The following ACOXL variants were observed in gnomAD, a reference collection of about 807,000 sequenced individuals.
ACOXL encodes acyl-CoA oxidase like.
In ACOXL, 70 loss-of-function variants were observed where a neutral mutation model predicts 71.9. The ratio of observed to expected loss-of-function variants is 0.97; its 90% confidence interval spans 0.80 to 1.19. The LOEUF is 1.19. ACOXL is among the 50% of genes most tolerant of loss of function. The probability of loss-of-function intolerance (pLI) is 0.00; values close to 1 mark genes in which losing one functional copy is unlikely to be tolerated. For missense variants in ACOXL, 703 were observed against 736.3 expected, an observed-to-expected ratio of 0.95 and a Z score of 0.52; for synonymous variants, 253 against 281.6, an observed-to-expected ratio of 0.90 and a Z score of 1.02.
chr2:111,074,862 T>C (rs996465953), intron 16 of ACOXL, among the ~76,000 whole-genome samples: 2 of 152,362 alleles, frequency 1.3e-5, no homozygotes, highest in Middle Eastern at 3.4e-3. Context: ...CCCAAAGTGC[T>C]GGGACTACAA....
At chr2:110,852,562 T>C (rs1573838375) in intron 10 of ACOXL, among the ~76,000 whole-genome samples, 1 of 152,232 alleles carries the variant, frequency 6.6e-6, no homozygotes, top group African/African-American at 2.4e-5. Flanking sequence ...ATTTTTGCTG[T>C]ATGAATCACA....
intron 10 of ACOXL, among the ~76,000 whole-genome samples, chr2:110,845,908 T>C (rs908557090): frequency 1.3e-5 from 2 of 152,164 alleles, no homozygotes; most frequent in Non-Finnish European, 2.9e-5. Context: ...TACAAATATC[T>C]CTTTGACACC....
Position 111,041,016 on chromosome 2 carries a change from G to C in ACOXL, c.1370-8202G>C, listed in dbSNP as rs553422624. Among the ~76,000 whole-genome samples, 6 of 152,156 alleles carry C rather than the reference G, an allele frequency of 3.9e-5. No individual in the cohort carries two copies. In the South Asian group the frequency reaches 1.2e-3, roughly 32 times the overall value. On this transcript the variant is annotated intron_variant, in intron 15 of 17. Transcript: ENST00000439055. ...TGAGGAGCAACAGCAGCAGGCCTGC[G>C]TGGAGGGGTGGGTTCTGGAGGTGCG...
chr2:110,852,322 C>T (rs1418146100), intron 10 of ACOXL, among the ~76,000 whole-genome samples: 5 of 152,216 alleles, frequency 3.3e-5, no homozygotes, highest in South Asian at 2.1e-4. Flanking sequence ...AGAGGGACAC[C>T]GGGGAGCTCT....
At chr2:110,835,964 A>T (rs1408487981) in intron 9 of ACOXL, among the ~76,000 whole-genome samples, 1 of 152,190 alleles carries the variant, frequency 6.6e-6, no homozygotes. Flanking sequence ...TCCTCATTTC[A>T]CAATGAAGAA....
At chr2:110,938,699 GAACGAATA>G (rs2060757216) in intron 12 of ACOXL, among the ~76,000 whole-genome samples, 2 of 149,012 alleles carry the variant, frequency 1.3e-5, no homozygotes, top group African/African-American at 2.4e-5. Flanking sequence ...ATGAATGAAT[GAACGAATA>G]AATGAATGAA....
At chr2:110,915,350 ATGTG>A (rs3059185) in intron 11 of ACOXL, among the ~76,000 whole-genome samples, 3,341 of 113,512 alleles carry the variant, frequency 0.029, 150 homozygotes, top group Admixed American at 0.13. Flanking sequence ...ATATATATAT[ATGTG>A]TGTGTGTGTG....
intron 1 of ACOXL, among the ~76,000 whole-genome samples, chr2:110,745,649 A>G (rs1455676463): frequency 1.3e-5 from 2 of 152,218 alleles, no homozygotes; most frequent in Non-Finnish European, 2.9e-5. Context: ...CTTTTCTGTG[A>G]CTTTGATCTG....
At chr2:110,862,314 T>G (rs896719159) in intron 10 of ACOXL, among the ~76,000 whole-genome samples, 4 of 152,108 alleles carry the variant, frequency 2.6e-5, no homozygotes, top group African/African-American at 9.7e-5. Context: ...GGGCCAGAGT[T>G]ATCAAGAGGG....
chr2:110,868,628 T>G (rs1694900922), intron 10 of ACOXL, among the ~76,000 whole-genome samples: 1 of 151,920 alleles, frequency 6.6e-6, no homozygotes, highest in Admixed American at 6.6e-5. Flanking sequence ...TCACTCTGTT[T>G]CCCAGGCTGG....
chr2:111,000,705 C>T (rs545791612), intron 14 of ACOXL, among the ~76,000 whole-genome samples: 1 of 152,300 alleles, frequency 6.6e-6, no homozygotes, highest in South Asian at 2.1e-4. Context: ...TCCAGGCTCC[C>T]CCTCTGTCAT....
chr2:110,799,334 A>G (rs770137943), intron 7 of ACOXL, among the ~76,000 whole-genome samples: 28 of 152,176 alleles, frequency 1.8e-4, no homozygotes, highest in Non-Finnish European at 2.9e-4. Context: ...CAGCTTCTCA[A>G]ATTTTCCAGT....
At chr2:110,744,218 GC>G (rs746678783) in intron 1 of ACOXL, among the ~76,000 whole-genome samples, 61 of 152,344 alleles carry the variant, frequency 4.0e-4, no homozygotes, top group Non-Finnish European at 6.6e-4. Context: ...CTTGTAAAAG[GC>G]CAAGAGACCC....
intron 9 of ACOXL, among the ~76,000 whole-genome samples, chr2:110,817,813 G>T (rs1688087264): frequency 6.6e-6 from 1 of 152,118 alleles, no homozygotes; most frequent in African/African-American, 2.4e-5. Context: ...TCTAATTAGT[G>T]TTGTGAGAAT....
At chr2:110,846,793 G>A (rs1336236644) in intron 10 of ACOXL, among the ~76,000 whole-genome samples, 1 of 151,832 alleles carries the variant, frequency 6.6e-6, no homozygotes, top group East Asian at 1.9e-4. Flanking sequence ...GTGTTGGGGG[G>A]GGTGTATGTG....
chr2:110,878,436 A>G (rs1411447506), intron 10 of ACOXL, among the ~76,000 whole-genome samples: 2 of 152,224 alleles, frequency 1.3e-5, no homozygotes, highest in Non-Finnish European at 2.9e-5. Flanking sequence ...AAGAATGAAC[A>G]GCTTTAATGT....
chr2:110,992,373 C>T (rs1466665420), intron 13 of ACOXL, among the ~76,000 whole-genome samples: 1 of 152,192 alleles, frequency 6.6e-6, no homozygotes, highest in East Asian at 1.9e-4. Flanking sequence ...GTGTACCGGG[C>T]ACTTCTCTAA....
intron 11 of ACOXL, among the ~76,000 whole-genome samples, chr2:110,921,701 C>G (rs1207873192): frequency 6.6e-6 from 1 of 152,056 alleles, no homozygotes; most frequent in South Asian, 2.1e-4. Context: ...CCTTCCACCC[C>G]CCTCTCTTAA....
chr2:110,781,556 C>T (rs1409314003), intron 2 of ACOXL, among the ~76,000 whole-genome samples: 1 of 151,956 alleles, frequency 6.6e-6, no homozygotes, highest in Non-Finnish European at 1.5e-5. Context: ...GCAGGAGAAT[C>T]GCTTCACCCT....
Sources: gnomAD v4.1 joint callset for allele counts (sites outside exome capture counted in the v4.1 genomes callset) on GRCh38, gnomAD v4.1.1 for gene constraint, MANE v1.5 for transcripts, NCBI Gene and HGNC (gene_info 2026-07-23, HGNC 2026-07-21) for gene names.